The following UIMC1 variants were observed in gnomAD, a reference collection of about 807,000 sequenced individuals.
The protein encoded by UIMC1 is BRCA1-A complex subunit RAP80.
Under a neutral mutation model 84.9 loss-of-function variants are expected in UIMC1, and 42 were observed. The observed-to-expected ratio is 0.49, with a 90% CI of 0.39 to 0.64. The LOEUF (loss-of-function observed/expected upper bound fraction) is 0.64. Ranked by LOEUF, UIMC1 falls within the 30% of genes least tolerant of loss-of-function variation. The pLI is 0.00. For missense variants in UIMC1, 825 were observed against 847.6 expected (o/e 0.97, Z 0.33); for synonymous variants, 281 against 293.0 (o/e 0.96, Z 0.42).
chr5:177,005,986 G>C (rs1190992422), intron 1 of UIMC1, among the ~76,000 whole-genome samples: 1 of 152,178 alleles, frequency 6.6e-6, no homozygotes, highest in Non-Finnish European at 1.5e-5. Context: ...AGGACGATAG[G>C]GATCTCCAAG....
At chr5:177,007,696 AT>A (rs1286021381), upstream of UIMC1, among the ~76,000 whole-genome samples, 1 of 152,258 alleles carries the variant, frequency 6.6e-6, no homozygotes, top group Non-Finnish European at 1.5e-5. Flanking sequence ...GTAAAAGTAT[AT>A]AAGATGAACT....
In UIMC1 at chr5:176,923,900, G is replaced by GACACACAC. The variant is rs35583665; in HGVS notation, c.1598-12519_1598-12512dup. 8.0e-3 allele frequency among the ~76,000 whole-genome samples: 1,159 copies of GACACACAC among 145,650 alleles called. 2 individuals carry two copies. The highest frequency in any genetic ancestry group is 0.011 in the South Asian group (49 of 4,566). ...ATATATATATATATACACACACACA[G>GACACACAC]ACACACACACACACACACACACACA... On this transcript the variant is annotated intron_variant, in intron 10 of 14. Transcript: ENST00000511320.
intron 1 of UIMC1, among the ~76,000 whole-genome samples, chr5:177,015,835 T>C (rs1775657093): frequency 6.6e-6 from 1 of 152,034 alleles, no homozygotes; most frequent in Admixed American, 6.6e-5. Context: ...TTTGGGAGGC[T>C]GAGACAGGCA....
intron 1 of UIMC1, among the ~76,000 whole-genome samples, chr5:176,995,537 CAAAAAAAAAAA>C (rs57521139): frequency 5.5e-5 from 2 of 36,562 alleles, no homozygotes; most frequent in Non-Finnish European, 1.1e-4. Context: ...ACTCTGTCTC[CAAAAAAAAAAA>C]AAAAAAAAAA....
intron 1 of UIMC1, among the ~76,000 whole-genome samples, chr5:176,989,261 G>A (rs548538586): frequency 6.6e-6 from 1 of 152,186 alleles, no homozygotes; most frequent in Admixed American, 6.5e-5. Flanking sequence ...ACACACAGAT[G>A]CTTACAATTT....
At chr5:176,910,332 A>C (rs2149389139) in intron 11 of UIMC1, among the ~76,000 whole-genome samples, 1 of 152,358 alleles carries the variant, frequency 6.6e-6, no homozygotes, top group South Asian at 2.1e-4. Context: ...TAATGACATT[A>C]CTTTCAGGAG....
chr5:177,001,163 TAC>T (rs1206568704), intron 1 of UIMC1, among the ~76,000 whole-genome samples: 1 of 152,220 alleles, frequency 6.6e-6, no homozygotes, highest in Non-Finnish European at 1.5e-5. Context: ...ATACATTTAA[TAC>T]ATTTTTATTT....
chr5:176,925,955 C>CT (rs1438927699), intron 10 of UIMC1, among the ~76,000 whole-genome samples: 1 of 152,152 alleles, frequency 6.6e-6, no homozygotes, highest in Non-Finnish European at 1.5e-5. Context: ...TCGCAACTTA[C>CT]TTTGCAAAGC....
At chr5:176,930,388 A>C (rs1328448382) in intron 10 of UIMC1, among the ~76,000 whole-genome samples, 1 of 152,228 alleles carries the variant, frequency 6.6e-6, no homozygotes, top group African/African-American at 2.4e-5. Flanking sequence ...ACAGATTACT[A>C]GCTTTTGAGT....
rs570344600 is a variant in UIMC1, at chr5:177,017,671, CTT to C, written c.-9+4791_-9+4792del. The stretch of plus-strand genomic sequence containing the variant: ...ACAGGCCTGAGCCACCACGCTGGCC[CTT>C]TTTTTTTTTTTTTTGAGACAGGGTC... On this transcript the variant is annotated intron_variant, in intron 1 of 5. Transcript: ENST00000509236. Among the ~76,000 whole-genome samples, 54 of 138,002 alleles carry C rather than the reference CTT, an allele frequency of 3.9e-4. No individual in the cohort carries two copies. The East Asian group carries it at 4.2e-3, about 11-fold the overall frequency. 90.5% of individuals were successfully genotyped at this position (138,002 alleles called of 152,430 possible). A position where few individuals can be genotyped will look rare whatever the true frequency, so the allele number is the denominator to read the frequency against.
chr5:176,912,045 T>C (rs1261164096), intron 10 of UIMC1, among the ~76,000 whole-genome samples: 2 of 152,230 alleles, frequency 1.3e-5, no homozygotes, highest in Non-Finnish European at 2.9e-5. Context: ...AGCTCATTCC[T>C]TGCATAACAA....
At chr5:176,911,957 G>A (rs1283899042) in intron 10 of UIMC1, among the ~76,000 whole-genome samples, 1 of 152,172 alleles carries the variant, frequency 6.6e-6, no homozygotes, top group Non-Finnish European at 1.5e-5. Flanking sequence ...CAAATACATT[G>A]TCTCTCACAC....
chr5:176,912,434 A>G (rs1489027182), intron 10 of UIMC1, among the ~76,000 whole-genome samples: 1 of 151,478 alleles, frequency 6.6e-6, no homozygotes, highest in Non-Finnish European at 1.5e-5. Context: ...CCTTCTATAA[A>G]CATCCCTGAC....
chr5:177,000,466 C>T (rs1774279033), intron 1 of UIMC1, among the ~76,000 whole-genome samples: 1 of 147,876 alleles, frequency 6.8e-6, no homozygotes, highest in African/African-American at 2.6e-5. Context: ...ATGTTGAACG[C>T]CTTTTCATAT....
intron 10 of UIMC1, among the ~76,000 whole-genome samples, chr5:176,940,434 C>T (rs1764265562): frequency 6.6e-6 from 1 of 152,120 alleles, no homozygotes; most frequent in Non-Finnish European, 1.5e-5. Flanking sequence ...TCATTTATTT[C>T]TGGACCTTGA....
chr5:176,919,877 G>C (rs1226190826), intron 10 of UIMC1, among the ~76,000 whole-genome samples: 1 of 152,108 alleles, frequency 6.6e-6, no homozygotes, highest in Admixed American at 6.5e-5. Context: ...GTCTTAATTA[G>C]TAAGTTGTAA....
intron 10 of UIMC1, among the ~76,000 whole-genome samples, chr5:176,932,709 T>G (rs916246393): frequency 2.6e-5 from 4 of 152,218 alleles, no homozygotes; most frequent in Non-Finnish European, 4.4e-5. Flanking sequence ...AGAAGGTACC[T>G]TTTTAAATTC....
chr5:176,982,469 C>T lies in UIMC1; in HGVS notation c.147G>A (p.Glu49=), dbSNP rs764659912. The change falls in exon 2 of 15, where the codon GAG becomes GAA. Residue 49 remains glutamate, a splice_region_variant and synonymous_variant. Coordinates refer to ENST00000511320, the MANE Select transcript of UIMC1 (RefSeq NM_001199298.2). ...AFIVISDSDG[E]EPKEENGLQK... ...TACTTTTCAGCTCTACTTCACTAACCTCTCCATCACTATCGGATATCACAA... is the reference window on the plus strand; with the variant it reads ...TACTTTTCAGCTCTACTTCACTAACTTCTCCATCACTATCGGATATCACAA... 6.2e-7 allele frequency: 1 copy of T among 1,611,440 alleles called. No homozygotes were observed. The highest frequency in any genetic ancestry group is 1.3e-5 in the African/African-American group (1 of 74,716).
chr5:177,009,920 C>T (rs1279767722), upstream of UIMC1, among the ~76,000 whole-genome samples: 1 of 152,136 alleles, frequency 6.6e-6, no homozygotes, highest in Non-Finnish European at 1.5e-5. The surrounding 1 kb of genome is among the most constrained non-coding windows in gnomAD (Gnocchi z 4.3). Context: ...CAGTAAGTCC[C>T]AGCTACTCGA....
Sources: allele counts gnomAD v4.1 joint callset (sites outside exome capture counted in the v4.1 genomes callset), GRCh38; gene constraint gnomAD v4.1.1; non-coding constraint Gnocchi (gnomAD v3.1); transcripts MANE v1.5; gene names NCBI Gene and HGNC (gene_info 2026-07-23, HGNC 2026-07-21).